The following LARGE1 variants were observed in gnomAD, a reference collection of about 807,000 sequenced individuals.
The protein encoded by LARGE1 is LARGE xylosyl- and glucuronyltransferase 1.
LARGE1 carries 43 observed loss-of-function variants against 87.6 expected under a neutral mutation model. The observed-to-expected ratio is 0.49, with a 90% CI of 0.38 to 0.63. LARGE1 has a LOEUF of 0.63. Among genes scored for constraint, LARGE1 ranks in the 30% least tolerant of loss-of-function variants. The probability of loss-of-function intolerance (pLI) is 0.00; values close to 1 mark genes in which losing one functional copy is unlikely to be tolerated. For synonymous variants in LARGE1, 434 were observed against 394.6 expected (o/e 1.10, Z -1.18); for missense variants, 802 against 1,000.2 (o/e 0.80, Z 2.67).
At chr22:33,556,013 G>T (rs976366220) in intron 6 of LARGE1, among the ~76,000 whole-genome samples, 4 of 151,848 alleles carry the variant, frequency 2.6e-5, no homozygotes, top group African/African-American at 9.7e-5. Flanking sequence ...CTGGATCTCA[G>T]GGCTTCACAT....
intron 2 of LARGE1, among the ~76,000 whole-genome samples, chr22:33,671,444 C>T (rs933607593): frequency 9.9e-5 from 15 of 152,216 alleles, no homozygotes; most frequent in African/African-American, 3.4e-4. Flanking sequence ...CTAGCATTCA[C>T]GTATGTGTGT....
intron 1 of LARGE1, among the ~76,000 whole-genome samples, chr22:33,807,064 G>T (rs890224553): frequency 1.3e-5 from 2 of 152,110 alleles, no homozygotes; most frequent in Non-Finnish European, 2.9e-5. Context: ...CACAAAGACA[G>T]CTGGATAGGC....
At chr22:33,435,207 G>T (rs982687111) in intron 6 of LARGE1, among the ~76,000 whole-genome samples, 5 of 152,102 alleles carry the variant, frequency 3.3e-5, no homozygotes, top group Non-Finnish European at 5.9e-5. Context: ...TCGCCATGTT[G>T]ACCAGGCTGA....
chr22:33,204,798 C>A (rs1924595566), intron 11 of LARGE1, among the ~76,000 whole-genome samples: 1 of 152,000 alleles, frequency 6.6e-6, no homozygotes, highest in Admixed American at 6.6e-5. Context: ...TTAATTCCAG[C>A]ATTTTTTTTC....
At chr22:33,511,783 T>C (rs551251097) in intron 6 of LARGE1, among the ~76,000 whole-genome samples, 10 of 152,354 alleles carry the variant, frequency 6.6e-5, no homozygotes, top group Admixed American at 2.0e-4. Context: ...GTTGCTTGTT[T>C]TCCACGAAAC....
At chr22:33,431,057 T>A (rs1016995594) in intron 7 of LARGE1, among the ~76,000 whole-genome samples, 1 of 152,236 alleles carries the variant, frequency 6.6e-6, no homozygotes, top group Admixed American at 6.5e-5. Context: ...TACTGTTCCC[T>A]GAGTTCCACA....
chr22:33,088,637 T>C, the LARGE1 span, among the ~76,000 whole-genome samples: 64 of 152,310 alleles, frequency 4.2e-4, no homozygotes, highest in South Asian at 0.012. Flanking sequence ...TGTCCCACTA[T>C]TAGCCAATCA....
chr22:33,800,437 G>C (rs1266978145), intron 1 of LARGE1, among the ~76,000 whole-genome samples: 2 of 152,054 alleles, frequency 1.3e-5, no homozygotes, highest in African/African-American at 4.8e-5. Flanking sequence ...TTTTGTATTT[G>C]TGTGTAGTTC....
chr22:33,602,323 A>T (rs749833850), intron 5 of LARGE1, among the ~76,000 whole-genome samples: 3 of 152,002 alleles, frequency 2.0e-5, no homozygotes, highest in Non-Finnish European at 4.4e-5. Context: ...TGAGGAAAAA[A>T]AATGATACAA....
At chr22:33,583,969 T>C (rs2078595537) in intron 5 of LARGE1, among the ~76,000 whole-genome samples, 1 of 152,228 alleles carries the variant, frequency 6.6e-6, no homozygotes, top group Admixed American at 6.5e-5. Context: ...TTGGCCCAAC[T>C]TTCCCCGCTG....
chr22:33,838,195 A>G (rs150277773), intron 1 of LARGE1, among the ~76,000 whole-genome samples: 1 of 152,208 alleles, frequency 6.6e-6, no homozygotes, highest in African/African-American at 2.4e-5. Flanking sequence ...CACAGAATGC[A>G]GACTCTTGCT....
rs74754052 is a variant in LARGE1 at position 33,685,501 on chromosome 22, G to T, written c.107-34833C>A. 6.2e-3 allele frequency among the ~76,000 whole-genome samples: 946 copies of T among 152,270 alleles called. 6 individuals carry two copies. The highest frequency in any genetic ancestry group is 0.01 in the Non-Finnish European group (683 of 68,022). ...TTCCCAAAGCAGATACAAGAATAATGGCATCTGAATCAACTGTGGTTTTGT... is the reference window on the plus strand; with the variant it reads ...TTCCCAAAGCAGATACAAGAATAATTGCATCTGAATCAACTGTGGTTTTGT... On this transcript the variant is annotated intron_variant, in intron 2 of 14. Coordinates refer to ENST00000397394, the MANE Select transcript of LARGE1 (RefSeq NM_133642.5).
chr22:33,176,015 C>T (rs1426654014), intron 11 of LARGE1, among the ~76,000 whole-genome samples: 1 of 152,198 alleles, frequency 6.6e-6, no homozygotes, highest in African/African-American at 2.4e-5. Context: ...CTACAACCAT[C>T]TGATCTTTGA....
At chr22:33,130,105 G>C in the LARGE1 span, among the ~76,000 whole-genome samples, 1 of 151,894 alleles carries the variant, frequency 6.6e-6, no homozygotes, top group African/African-American at 2.4e-5. Flanking sequence ...ACAAGGTCAG[G>C]AGATCGAGAC....
chr22:33,668,149 A>C (rs1199510584), intron 2 of LARGE1, among the ~76,000 whole-genome samples: 1 of 152,224 alleles, frequency 6.6e-6, no homozygotes, highest in East Asian at 1.9e-4. Flanking sequence ...TGGAATAATT[A>C]ATTAAACTGT....
At chr22:33,738,671 C>T (rs1162215890) in intron 2 of LARGE1, among the ~76,000 whole-genome samples, 1 of 151,958 alleles carries the variant, frequency 6.6e-6, no homozygotes, top group Non-Finnish European at 1.5e-5. Flanking sequence ...CACGGTGAAA[C>T]CCCGTCTCTA....
intron 1 of LARGE1, among the ~76,000 whole-genome samples, chr22:33,881,546 C>T (rs1170870883): frequency 6.6e-6 from 1 of 152,194 alleles, no homozygotes; most frequent in South Asian, 2.1e-4. Context: ...CAGAGTCTTA[C>T]AAAAATATGT....
In LARGE1 at chr22:33,302,868, T is replaced by G. The variant is rs114297443; in HGVS notation, c.1730+1361A>C. Among the ~76,000 whole-genome samples the G allele has an allele frequency of 4.8e-3, 725 of 152,272 alleles. 5 individuals carry two copies. Among genetic ancestry groups the G allele is most frequent in the African/African-American group, 0.016 (672 of 41,562 alleles). ...TTGCTTCTCTGGGCCCCACTCTTCC[T>G]TCCTGTAGAATGCAGGTAGCTATAC... On this transcript the variant is annotated intron_variant, in intron 12 of 14. Transcript: ENST00000397394.
At chr22:33,586,694 T>C (rs2078686384) in intron 5 of LARGE1, among the ~76,000 whole-genome samples, 1 of 152,026 alleles carries the variant, frequency 6.6e-6, no homozygotes, top group Non-Finnish European at 1.5e-5. Flanking sequence ...CCTGACCTCA[T>C]GATCCGTCCG....
Sources: allele counts gnomAD v4.1 joint callset (sites outside exome capture counted in the v4.1 genomes callset), GRCh38; gene constraint gnomAD v4.1.1; transcripts MANE v1.5; gene names NCBI Gene and HGNC (gene_info 2026-07-23, HGNC 2026-07-21).